The following MPC1 variants were observed in gnomAD, a reference collection of about 807,000 sequenced individuals.
MPC1 encodes the protein mitochondrial pyruvate carrier 1.
MPC1 carries 6 observed loss-of-function variants against 13.9 expected under a neutral mutation model. The ratio of observed to expected loss-of-function variants is 0.43; its 90% CI spans 0.24 to 0.85. MPC1 has a LOEUF of 0.85. Among genes scored for constraint, MPC1 ranks in the 40% least tolerant of loss-of-function variants. MPC1 has a pLI of 0.24. For missense variants in MPC1, 115 were observed against 143.3 expected, an observed-to-expected ratio of 0.80 and a Z score of 1.01; for synonymous variants, 47 against 50.5, an observed-to-expected ratio of 0.93 and a Z score of 0.29.
At chr6:166,380,970 G>C (rs199742535) in intron 1 of MPC1, among the ~76,000 whole-genome samples, 5 of 121,750 alleles carry the variant, frequency 4.1e-5, no homozygotes, top group African/African-American at 1.5e-4. Flanking sequence ...AAAAAGAAAA[G>C]AAAACGGTTA....
At chr6:166,367,021 G>C in intron 2 of MPC1, 130 bp from the exon 3 acceptor site, 2 of 1,529,804 alleles carry the variant, frequency 1.3e-6, no homozygotes, top group Non-Finnish European at 1.8e-6. Context: ...CCATCTTGCA[G>C]GTTTACTGGG....
At chr6:166,370,629 G>A (rs1779343673) in intron 1 of MPC1, among the ~76,000 whole-genome samples, 1 of 152,212 alleles carries the variant, frequency 6.6e-6, no homozygotes, top group South Asian at 2.1e-4. Context: ...TAAGGCAGGA[G>A]GATTGCTTGA....
intron 1 of MPC1, among the ~76,000 whole-genome samples, chr6:166,371,623 A>G (rs537063216): frequency 1.3e-5 from 2 of 152,354 alleles, no homozygotes; most frequent in South Asian, 4.1e-4. Context: ...TTGTAACATG[A>G]AAATAATTGT....
At chr6:166,375,191 T>C (rs1447741690) in intron 1 of MPC1, among the ~76,000 whole-genome samples, 1 of 152,150 alleles carries the variant, frequency 6.6e-6, no homozygotes, top group Non-Finnish European at 1.5e-5. Context: ...GTAGGTAGCA[T>C]CTACAGCATA....
chr6:166,371,207 G>C (rs1779368164), intron 1 of MPC1, among the ~76,000 whole-genome samples: 1 of 152,160 alleles, frequency 6.6e-6, no homozygotes, highest in South Asian at 2.1e-4. Flanking sequence ...CTAACACATT[G>C]CACCAGAATG....
rs201315350 is a variant in MPC1 at position 166,366,786 on chromosome 6, C to A, written c.172+9G>T. ...AAGTCCTCCCAATTATCCAAATCTG[C>A]ATTCTTACCAAATGTCATCCGCCCA... is the stretch of plus-strand genomic sequence containing the variant. On this transcript the variant is annotated intron_variant, in intron 3 of 4. Transcript: ENST00000360961. The A allele has an allele frequency of 3.5e-5, 56 of 1,613,030 alleles. No individual in the cohort carries two copies. Among genetic ancestry groups the A allele is most frequent in the Non-Finnish European group, 4.5e-5 (53 of 1,179,164 alleles).
Position 166,382,929 on chromosome 6 carries a change from A to G in MPC1, c.-53T>C, listed in dbSNP as rs975826380. 2 of 1,551,700 alleles carry G rather than the reference A, an allele frequency of 1.3e-6. No individual in the cohort carries two copies. Among genetic ancestry groups the G allele is most frequent in the East Asian group, 2.5e-5 (1 of 39,482 alleles). On this transcript the variant is annotated 5_prime_UTR_variant, in exon 1 of 5. Transcript: ENST00000360961. ...GTCCCTGCCTCTGCTGCCGCTTCCC[A>G]GAGCCAATGACACCCCGGCCAACCC...
chr6:166,374,932 C>T (rs989148829), intron 1 of MPC1, among the ~76,000 whole-genome samples: 1 of 152,082 alleles, frequency 6.6e-6, no homozygotes, highest in African/African-American at 2.4e-5. Flanking sequence ...TGGGGTTTAC[C>T]GCCGTCTCCA....
At chr6:166,376,176 G>A (rs1227053775) in intron 1 of MPC1, among the ~76,000 whole-genome samples, 7 of 134,226 alleles carry the variant, frequency 5.2e-5, no homozygotes, top group African/African-American at 1.0e-4. Context: ...GTGTGTGTGT[G>A]TGTATATATA....
In MPC1 at chr6:166,366,159, T is replaced by G. The variant is rs1583055500; in HGVS notation, c.173-53A>C. 5 of 1,588,404 alleles carry G rather than the reference T, an allele frequency of 3.1e-6. No homozygotes were observed. In the South Asian group the frequency reaches 4.5e-5, roughly 14 times the overall value. On this transcript the variant is annotated intron_variant, in intron 3 of 4. Coordinates refer to ENST00000360961, the MANE Select transcript of MPC1 (RefSeq NM_016098.4). ...TCAATAACTTAGAAAACTGAGAGGG[T>G]TGATAGGACCACAGAGATGAACAGT...
Position 166,382,816 on chromosome 6 carries a change from A to G in MPC1, c.61T>C (p.Tyr21His). The change falls in exon 1 of 5, where the codon TAC (tyrosine) becomes CAC (histidine). Residue 21 changes from tyrosine (Y) to histidine (H), a missense_variant. Physicochemically the swap from Tyr to His is moderately conservative, Grantham distance 83 (BLOSUM62 2). Transcript: ENST00000360961. ...DYVRSKDFRDYLMSTHFWGPV... is the reference protein window; with the variant it reads ...DYVRSKDFRDHLMSTHFWGPV... ...TGCGGCGCTCGTCACCTCATGAGGT[A>G]GTCCCGGAAATCCTTGCTTCGGACA... 6.3e-7 allele frequency: 1 copy of G among 1,596,378 alleles called. No homozygotes were observed. Among genetic ancestry groups the G allele is most frequent in the Non-Finnish European group, 8.5e-7 (1 of 1,173,096 alleles).
Position 166,365,093 on chromosome 6 carries a change from AG to A in MPC1, c.*335del, listed in dbSNP as rs1230277256. The A allele has an allele frequency of 5.0e-6, 1 of 200,330 alleles. No homozygotes were observed. Among genetic ancestry groups the A allele is most frequent in the Admixed American group, 5.9e-5 (1 of 16,860 alleles). The allele number at this position is 200,330 out of a possible 1,614,324, so 12.4% of individuals were successfully genotyped here. On this transcript the variant is annotated 3_prime_UTR_variant, in exon 5 of 5. Transcript: ENST00000360961. The surrounding 1 kb of genome is among the most constrained non-coding windows in gnomAD (Gnocchi z 4.2). ...CAATGTTAAGAATCAGGAGTACTTA[AG>A]TGCTAGTGGTTACAAATTTTGTTCT... is the stretch of plus-strand genomic sequence containing the variant.
chr6:166,371,643 T>C (rs1242653398), intron 1 of MPC1, among the ~76,000 whole-genome samples: 6 of 152,214 alleles, frequency 3.9e-5, no homozygotes, highest in African/African-American at 1.4e-4. Flanking sequence ...TTGATGGTGC[T>C]AATAATACAG....
intron 1 of MPC1, among the ~76,000 whole-genome samples, chr6:166,380,737 C>T (rs569432981): frequency 2.0e-4 from 31 of 152,092 alleles, no homozygotes; most frequent in African/African-American, 4.6e-4. Flanking sequence ...GTCGGGAGTT[C>T]GAGACCAGCC....
intron 3 of MPC1, 151 bp from the exon 4 acceptor site, chr6:166,366,257 T>C: frequency 1.2e-6 from 1 of 841,832 alleles, no homozygotes; most frequent in Non-Finnish European, 1.7e-6. Flanking sequence ...CTTAAATGCC[T>C]GTATCAATAG....
chr6:166,365,857 A>T lies in MPC1; in HGVS notation c.305+117T>A. 2 of 1,330,556 alleles carry T rather than the reference A, an allele frequency of 1.5e-6. No individual in the cohort carries two copies. The highest frequency in any genetic ancestry group is 2.0e-6 in the Non-Finnish European group (2 of 986,538). The allele number at this position is 1,330,556 out of a possible 1,614,324, so 82.4% of individuals were successfully genotyped here. A position where few individuals can be genotyped will look rare whatever the true frequency, so the allele number is the denominator to read the frequency against. Reference sequence around the variant, plus strand: ...TTAGTAAGTTGTTTCCCCAACTGCTAAAGCGCATCTATACACACTCCAGTC... The same window carrying T: ...TTAGTAAGTTGTTTCCCCAACTGCTTAAGCGCATCTATACACACTCCAGTC... On this transcript the variant is annotated intron_variant, in intron 4 of 4. Coordinates refer to ENST00000360961, the MANE Select transcript of MPC1 (RefSeq NM_016098.4). The surrounding 1 kb of genome is among the most constrained non-coding windows in gnomAD (Gnocchi z 4.2).
At chr6:166,368,414 G>A (rs1779246621) in intron 2 of MPC1, among the ~76,000 whole-genome samples, 1 of 152,110 alleles carries the variant, frequency 6.6e-6, no homozygotes, top group Non-Finnish European at 1.5e-5. Flanking sequence ...AAATTAGCCA[G>A]CGTGGTGGCA....
At position 166,365,273 on chromosome 6, in the gene MPC1, G is replaced by T; in HGVS notation, c.*156C>A. The T allele has an allele frequency of 1.8e-6, 1 of 563,126 alleles. No homozygotes were observed. Among genetic ancestry groups the T allele is most frequent in the Non-Finnish European group, 2.8e-6 (1 of 353,698 alleles). The allele number at this position is 563,126 out of a possible 1,614,324, so 34.9% of individuals were successfully genotyped here. ...ATACTTGTAAGGCAGCAGAGAGTTGGTTTAGAAACTCTCAGCTATTTCTAT... is the reference window on the plus strand; with the variant it reads ...ATACTTGTAAGGCAGCAGAGAGTTGTTTTAGAAACTCTCAGCTATTTCTAT... On this transcript the variant is annotated 3_prime_UTR_variant, in exon 5 of 5. Transcript: ENST00000360961. This position sits in a 1 kb window ranked among gnomAD's most constrained non-coding sequence, Gnocchi z 4.2.
chr6:166,377,067 T>C (rs1270958915), intron 1 of MPC1, among the ~76,000 whole-genome samples: 1 of 152,084 alleles, frequency 6.6e-6, no homozygotes, highest in Non-Finnish European at 1.5e-5. Flanking sequence ...CTTTTATGGT[T>C]TTAAATGAGC....
Sources: allele counts gnomAD v4.1 joint callset (sites outside exome capture counted in the v4.1 genomes callset), GRCh38; gene constraint gnomAD v4.1.1; non-coding constraint Gnocchi (gnomAD v3.1); transcripts MANE v1.5; gene names NCBI Gene and HGNC (gene_info 2026-07-23, HGNC 2026-07-21).